Variants in ZNF493 observed in about 807,000 individuals in gnomAD.
ZNF493 encodes the protein zinc finger protein 493.
ZNF493 carries 11 observed loss-of-function variants against 12.2 expected under a neutral mutation model. The ratio of observed to expected loss-of-function variants is 0.90; its 90% CI spans 0.57 to 1.50. The LOEUF (loss-of-function observed/expected upper bound fraction) is 1.50, where lower values mean the gene tolerates loss of function less well. Among genes scored for constraint, ZNF493 ranks in the 40% most tolerant of loss-of-function variants. The pLI is 0.00. For missense variants in ZNF493, 950 were observed against 906.6 expected, an observed-to-expected ratio of 1.05 and a Z score of -0.61; for synonymous variants, 286 against 302.6, an observed-to-expected ratio of 0.95 and a Z score of 0.57.
At position 21,425,990 on chromosome 19, in the gene ZNF493, A is replaced by G; in HGVS notation, c.*1006A>G. 2 of 632,992 alleles carry G rather than the reference A, an allele frequency of 3.2e-6. No individual in the cohort carries two copies. Among genetic ancestry groups the G allele is most frequent in the Non-Finnish European group, 5.6e-6 (2 of 357,402 alleles). 39.2% of individuals were successfully genotyped at this position (632,992 alleles called of 1,614,324 possible). On this transcript the variant is annotated 3_prime_UTR_variant, in exon 4 of 4. Coordinates refer to ENST00000392288, the MANE Select transcript of ZNF493 (RefSeq NM_001076678.3). Reference sequence around the variant, plus strand: ...CCAGTCCTCAATTTTTACTAAACATAAGAAAATTCATACTGGAGAGAAACC... The same window carrying G: ...CCAGTCCTCAATTTTTACTAAACATGAGAAAATTCATACTGGAGAGAAACC...
intron 1 of ZNF493, among the ~76,000 whole-genome samples, chr19:21,399,885 G>T (rs577157997): frequency 6.6e-6 from 1 of 152,092 alleles, no homozygotes; most frequent in Non-Finnish European, 1.5e-5. Context: ...TCATAAAAAC[G>T]TAAGTTCCTT....
chr19:21,419,802 T>G (rs548068640), intron 3 of ZNF493, among the ~76,000 whole-genome samples: 1 of 151,872 alleles, frequency 6.6e-6, no homozygotes, highest in Non-Finnish European at 1.5e-5. Context: ...GAAGTGAGGG[T>G]TTATTCTGCA....
intron 1 of ZNF493, among the ~76,000 whole-genome samples, chr19:21,400,541 T>C (rs762653450): frequency 4.1e-4 from 63 of 152,226 alleles, no homozygotes; most frequent in Non-Finnish European, 8.2e-4. Flanking sequence ...AATTAAAGGT[T>C]GAGCCCAGTG....
At chr19:21,403,300 G>T (rs2030006908) in intron 1 of ZNF493, among the ~76,000 whole-genome samples, 1 of 152,238 alleles carries the variant, frequency 6.6e-6, no homozygotes, top group Non-Finnish European at 1.5e-5. Context: ...GCACTAAAAG[G>T]TGGTCACAGG....
At position 21,424,794 on chromosome 19, in the gene ZNF493, C is replaced by T; in HGVS notation, c.2135C>T (p.Pro712Leu). ...THKIIHTGEK[P>L]CKCEECGKAF... ...AAGATAATTCATACTGGAGAGAAAC[C>T]TTGCAAATGTGAAGAATGTGGCAAA... The change falls in exon 4 of 4, where the codon CCT (proline) becomes CTT (leucine). Residue 712 changes from proline (P) to leucine (L), a missense_variant. Transcript: ENST00000392288. 1.2e-6 allele frequency: 2 copies of T among 1,613,268 alleles called. No homozygotes were observed. Among genetic ancestry groups the T allele is most frequent in the Non-Finnish European group, 1.7e-6 (2 of 1,179,606 alleles).
In ZNF493 at chr19:21,397,179, C is replaced by T. The variant is rs903271895; in HGVS notation, c.-59C>T. 33 of 1,604,524 alleles carry T rather than the reference C, an allele frequency of 2.1e-5. No individual in the cohort carries two copies. The highest frequency in any genetic ancestry group is 5.0e-5 in the Admixed American group (3 of 59,990). On this transcript the variant is annotated 5_prime_UTR_variant, in exon 1 of 4. Transcript: ENST00000392288. ...AGCTCCAGGTCTACCCTTCACTGCT[C>T]TGTGTCCTCAGCGTGTGTGGCTTCG... is the stretch of plus-strand genomic sequence containing the variant.
chr19:21,423,633 A>C lies in ZNF493; in HGVS notation c.974A>C (p.Glu325Ala). 1 of 1,610,786 alleles carries C rather than the reference A, an allele frequency of 6.2e-7. No homozygotes were observed. Among genetic ancestry groups the C allele is most frequent in the Non-Finnish European group, 8.5e-7 (1 of 1,179,582 alleles). ...HNGEKPYKCE[E>A]CGKAFSIFST... ...GGAGAAAAACCCTATAAATGTGAAG[A>C]ATGTGGCAAAGCCTTTAGTATTTTC... The change falls in exon 4 of 4, where the codon GAA becomes GCA. Residue 325 changes from glutamate to alanine, a missense_variant. By Grantham distance (107) the Glu-to-Ala change is moderately radical (BLOSUM62 -1). Coordinates refer to ENST00000392288, the MANE Select transcript of ZNF493 (RefSeq NM_001076678.3).
Position 21,414,829 on chromosome 19 carries a change from A to G in ZNF493, c.254-8084A>G, listed in dbSNP as rs115405863. Among the ~76,000 whole-genome samples, 480 of 152,286 alleles carry G rather than the reference A, an allele frequency of 3.2e-3. 9 individuals carry two copies. The highest frequency in any genetic ancestry group is 0.011 in the African/African-American group (464 of 41,562). ...TGTAAAAACATACTCAGCACCTTCA[A>G]TTGGTTTACATTTAGTTATTTTAGG... On this transcript the variant is annotated intron_variant, in intron 3 of 3. Transcript: ENST00000392288.
chr19:21,426,119 G>T lies in ZNF493; in HGVS notation c.*1135G>T, dbSNP rs1208303807. 3.8e-5 allele frequency: 10 copies of T among 264,092 alleles called. No individual in the cohort carries two copies. In the Middle Eastern group the frequency reaches 2.0e-3, roughly 53 times the overall value. The allele number at this position is 264,092 out of a possible 1,614,324, so 16.4% of individuals were successfully genotyped here. On this transcript the variant is annotated 3_prime_UTR_variant, in exon 4 of 4. Coordinates refer to ENST00000392288, the MANE Select transcript of ZNF493 (RefSeq NM_001076678.3). ...GAAACTCTACAAACCAGTAAGATGTGACAGTGCTTCTGACAACATCTCAAA... is the reference window on the plus strand; with the variant it reads ...GAAACTCTACAAACCAGTAAGATGTTACAGTGCTTCTGACAACATCTCAAA...
intron 1 of ZNF493, among the ~76,000 whole-genome samples, chr19:21,403,294 T>A (rs1366762012): frequency 6.6e-6 from 1 of 152,228 alleles, no homozygotes; most frequent in African/African-American, 2.4e-5. Context: ...ACCTTTGCAC[T>A]AAAAGGTGGT....
chr19:21,414,910 T>G (rs970656774), intron 3 of ZNF493, among the ~76,000 whole-genome samples: 1 of 152,198 alleles, frequency 6.6e-6, no homozygotes, highest in African/African-American at 2.4e-5. Flanking sequence ...AGGAAAATGA[T>G]TATCGAGAAT....
chr19:21,422,493 C>A (rs981282165), intron 3 of ZNF493, among the ~76,000 whole-genome samples: 1 of 117,552 alleles, frequency 8.5e-6, no homozygotes, highest in African/African-American at 3.3e-5. Context: ...GATGTATTCT[C>A]ACTCTGTTCC....
intron 3 of ZNF493, among the ~76,000 whole-genome samples, chr19:21,420,503 A>G (rs558478321): frequency 1.4e-5 from 2 of 139,052 alleles, no homozygotes; most frequent in South Asian, 2.3e-4. Flanking sequence ...CAGTGCCAAT[A>G]TACTTCTTTA....
intron 3 of ZNF493, among the ~76,000 whole-genome samples, chr19:21,416,027 T>C (rs2030478906): frequency 6.6e-6 from 1 of 152,230 alleles, no homozygotes; most frequent in Non-Finnish European, 1.5e-5. Context: ...ATGTTGGAGC[T>C]ATGTGCCCAT....
chr19:21,420,566 T>C (rs1398097863), intron 3 of ZNF493, among the ~76,000 whole-genome samples: 2 of 132,596 alleles, frequency 1.5e-5, no homozygotes, highest in Non-Finnish European at 3.2e-5. Flanking sequence ...AGGACAGATT[T>C]TGTGATGGTA....
In ZNF493 at chr19:21,425,399, T is replaced by C; in HGVS notation, c.*415T>C. The C allele has an allele frequency of 2.3e-6, 1 of 425,902 alleles. No individual in the cohort carries two copies. Among genetic ancestry groups the C allele is most frequent in the Non-Finnish European group, 4.6e-6 (1 of 217,226 alleles). 26.4% of individuals were successfully genotyped at this position (425,902 alleles called of 1,614,324 possible). ...AAGCTTTTTACTGATTCTTATACCT[T>C]ACTAAACATAAAATAATTCATAAAG... On this transcript the variant is annotated 3_prime_UTR_variant, in exon 4 of 4. Coordinates refer to ENST00000392288, the MANE Select transcript of ZNF493 (RefSeq NM_001076678.3).
chr19:21,419,588 A>G (rs2030593990), intron 3 of ZNF493, among the ~76,000 whole-genome samples: 1 of 152,104 alleles, frequency 6.6e-6, no homozygotes, highest in African/African-American at 2.4e-5. Flanking sequence ...CTGCTTTTGT[A>G]TGCTGGTTGT....
chr19:21,399,187 G>A (rs1974220882), intron 1 of ZNF493, among the ~76,000 whole-genome samples: 1 of 150,234 alleles, frequency 6.7e-6, no homozygotes, highest in African/African-American at 2.5e-5. Context: ...TTATTTTTTT[G>A]TCTCACTCTG....
At chr19:21,420,958 G>A (rs2914631) in intron 3 of ZNF493, among the ~76,000 whole-genome samples, 12 of 151,854 alleles carry the variant, frequency 7.9e-5, no homozygotes, top group African/African-American at 2.7e-4. Flanking sequence ...ATGTTGGTCA[G>A]GCTGGTCTTG....
Sources: allele counts gnomAD v4.1 joint callset (sites outside exome capture counted in the v4.1 genomes callset), GRCh38; gene constraint gnomAD v4.1.1; transcripts MANE v1.5; gene names NCBI Gene and HGNC (gene_info 2026-07-23, HGNC 2026-07-21).